The following GPR141 variants were observed in gnomAD, a reference collection of about 807,000 sequenced individuals.
GPR141 encodes G protein-coupled receptor 141, also known as probable G protein-coupled receptor 141.
GPR141 carries 6 observed loss-of-function variants against 6.8 expected under a neutral mutation model. That is an observed-to-expected ratio of 0.88 (90% confidence interval 0.48 to 1.74). The LOEUF (loss-of-function observed/expected upper bound fraction) is 1.74, where lower values mean the gene tolerates loss of function less well. Among genes scored for constraint, GPR141 ranks in the 40% most tolerant of loss-of-function variants. The pLI is 0.01. For missense variants in GPR141, 372 were observed against 372.9 expected (o/e 1.00, Z 0.02); for synonymous variants, 140 against 142.3 (o/e 0.98, Z 0.11).
At chr7:37,692,325 C>T (rs189449686) in intron 2 of GPR141, among the ~76,000 whole-genome samples, 52 of 152,278 alleles carry the variant, frequency 3.4e-4, no homozygotes, top group Admixed American at 2.9e-3. Context: ...AAAACATGAA[C>T]GCATCCTTTT....
chr7:37,722,567 C>T (rs1230912813), intron 2 of GPR141, among the ~76,000 whole-genome samples: 5 of 151,776 alleles, frequency 3.3e-5, no homozygotes, highest in Non-Finnish European at 7.4e-5. Context: ...ACTAAAAATA[C>T]AAAAATTAGC....
chr7:37,707,674 A>G (rs11535191), intron 2 of GPR141, among the ~76,000 whole-genome samples: 22,746 of 152,218 alleles, frequency 0.15, 1,874 homozygotes, highest in East Asian at 0.24. Flanking sequence ...ATTGCCCAAG[A>G]TGGCCCAGCT....
chr7:37,687,097 A>G (rs1206875584), intron 2 of GPR141, among the ~76,000 whole-genome samples: 1 of 152,118 alleles, frequency 6.6e-6, no homozygotes, highest in African/African-American at 2.4e-5. Context: ...AAAGAAGTTC[A>G]GACTGAGCTC....
At chr7:37,691,483 T>C (rs936985654) in intron 2 of GPR141, among the ~76,000 whole-genome samples, 1 of 152,104 alleles carries the variant, frequency 6.6e-6, no homozygotes, top group Non-Finnish European at 1.5e-5. Context: ...TGTTATTTTG[T>C]TAATTGTTTT....
chr7:37,699,595 C>T (rs1191734092), intron 2 of GPR141, among the ~76,000 whole-genome samples: 4 of 152,152 alleles, frequency 2.6e-5, no homozygotes, highest in Admixed American at 6.5e-5. Context: ...TGTAGTTATG[C>T]TCCAGTAAAA....
chr7:37,696,486 A>G (rs958477064), intron 2 of GPR141, among the ~76,000 whole-genome samples: 2 of 152,000 alleles, frequency 1.3e-5, no homozygotes, highest in Non-Finnish European at 2.9e-5. Context: ...TATATTGTCA[A>G]TTCCCTTCTT....
chr7:37,700,432 C>T (rs142606589), intron 2 of GPR141, among the ~76,000 whole-genome samples: 2 of 152,184 alleles, frequency 1.3e-5, no homozygotes, highest in East Asian at 1.9e-4. Context: ...GATTATCTAC[C>T]GCCACCATGT....
At position 37,740,965 on chromosome 7, in the gene GPR141, C is replaced by A. The variant is rs761762672; in HGVS notation, c.572C>A (p.Ala191Asp). ...TATATGATAGTCATTTTTGTCATAG[C>A]CGTTGCTGTGATTCTGTTGGTCTTC... ...INYMIVIFVI[A>D]VAVILLVFQV... The change falls in exon 3 of 3, where the codon GCC (alanine) becomes GAC (aspartate). Residue 191 changes from alanine to aspartate, a missense_variant. Transcript: ENST00000334425. 5.0e-6 allele frequency: 8 copies of A among 1,613,676 alleles called. No individual in the cohort carries two copies. In the African/African-American group the frequency reaches 9.3e-5, roughly 19 times the overall value.
At chr7:37,738,629 T>C (rs1812375006) in intron 2 of GPR141, among the ~76,000 whole-genome samples, 1 of 152,130 alleles carries the variant, frequency 6.6e-6, no homozygotes, top group African/African-American at 2.4e-5. Context: ...GCAAAAGGCT[T>C]TGTGAGGTTG....
At chr7:37,735,107 A>G (rs1024121954) in intron 2 of GPR141, among the ~76,000 whole-genome samples, 17 of 152,224 alleles carry the variant, frequency 1.1e-4, no homozygotes, top group Non-Finnish European at 2.2e-4. Flanking sequence ...CATGGGATGG[A>G]AGGTTGATCA....
intron 2 of GPR141, among the ~76,000 whole-genome samples, chr7:37,723,217 T>A (rs2131822906): frequency 6.6e-6 from 1 of 152,074 alleles, no homozygotes; most frequent in African/African-American, 2.4e-5. Context: ...CATCTTGAGC[T>A]CCTAACCTCA....
chr7:37,742,974 C>G lies in GPR141; in HGVS notation c.*1663C>G, dbSNP rs1020556198. 6.6e-6 allele frequency among the ~76,000 whole-genome samples: 1 copy of G among 152,030 alleles called. No homozygotes were observed. The highest frequency in any genetic ancestry group is 1.9e-4 in the East Asian group (1 of 5,188). Reference sequence around the variant, plus strand: ...CGTTAAACTGATTTTATTTCAAGAACTTCTGTTACTGGCTAGGTTGATACA... The same window carrying G: ...CGTTAAACTGATTTTATTTCAAGAAGTTCTGTTACTGGCTAGGTTGATACA... On this transcript the variant is annotated 3_prime_UTR_variant, in exon 3 of 3. Transcript: ENST00000334425.
At chr7:37,716,024 A>G (rs1174485307) in intron 2 of GPR141, among the ~76,000 whole-genome samples, 1 of 152,204 alleles carries the variant, frequency 6.6e-6, no homozygotes, top group Non-Finnish European at 1.5e-5. Flanking sequence ...CAAGAATCCC[A>G]TCCTTGGAGT....
At chr7:37,714,884 C>G (rs1420965386) in intron 2 of GPR141, among the ~76,000 whole-genome samples, 1 of 152,002 alleles carries the variant, frequency 6.6e-6, no homozygotes, top group African/African-American at 2.4e-5. Flanking sequence ...TTAGGAGTTT[C>G]AAAAAACCCT....
chr7:37,712,304 T>C (rs1378577041), intron 2 of GPR141, among the ~76,000 whole-genome samples: 1 of 152,044 alleles, frequency 6.6e-6, no homozygotes, highest in Non-Finnish European at 1.5e-5. Flanking sequence ...CCTCCATATC[T>C]CCTGGGCTGG....
At chr7:37,720,738 CAAAAA>C (rs543342332) in intron 2 of GPR141, among the ~76,000 whole-genome samples, 3 of 58,676 alleles carry the variant, frequency 5.1e-5, no homozygotes, top group Non-Finnish European at 7.4e-5. Context: ...GACTCCGTCT[CAAAAA>C]AAAAAAAAAA....
rs572819556 is a variant in GPR141, at chr7:37,700,626, C to T, written c.-15+15043C>T. Among the ~76,000 whole-genome samples the T allele has an allele frequency of 5.9e-5, 9 of 152,184 alleles. No homozygotes were observed. In the South Asian group the frequency reaches 1.0e-3, roughly 18 times the overall value. ...TACAAACATATATAGGTAACTGGTACGGTACATTGTTATGATTTTATGTTT... is the reference window on the plus strand; with the variant it reads ...TACAAACATATATAGGTAACTGGTATGGTACATTGTTATGATTTTATGTTT... On this transcript the variant is annotated intron_variant, in intron 2 of 2. Transcript: ENST00000334425.
At chr7:37,702,766 A>T (rs1224919684) in intron 2 of GPR141, among the ~76,000 whole-genome samples, 4 of 145,294 alleles carry the variant, frequency 2.8e-5, no homozygotes, top group East Asian at 2.0e-4. Flanking sequence ...AAATAAAAAT[A>T]AAAAAATAAA....
intron 2 of GPR141, among the ~76,000 whole-genome samples, chr7:37,725,709 TCA>T (rs1400253610): frequency 6.6e-6 from 1 of 152,170 alleles, no homozygotes; most frequent in East Asian, 1.9e-4. Context: ...TTTAGTGTAG[TCA>T]CAGAGTGATA....
Sources: allele counts gnomAD v4.1 joint callset (sites outside exome capture counted in the v4.1 genomes callset), GRCh38; gene constraint gnomAD v4.1.1; transcripts MANE v1.5; gene names NCBI Gene and HGNC (gene_info 2026-07-23, HGNC 2026-07-21).